Variants in PCGF3 observed in about 807,000 individuals in gnomAD.
PCGF3 encodes the protein polycomb group ring finger 3.
Under a neutral mutation model 33.1 loss-of-function variants are expected in PCGF3, and 7 were observed. The ratio of observed to expected loss-of-function variants is 0.21; its 90% CI spans 0.12 to 0.40. The LOEUF (loss-of-function observed/expected upper bound fraction) is 0.40. PCGF3 is among the 10% of genes least tolerant of loss of function. The pLI is 1.00. For synonymous variants in PCGF3, 153 were observed against 121.3 expected, an observed-to-expected ratio of 1.26 and a Z score of -1.72; for missense variants, 211 against 313.3, an observed-to-expected ratio of 0.67 and a Z score of 2.46.
At chr4:770,031 A>G (rs1386766353) in exon 11 of PCGF3, 1 of 152,618 alleles carries the variant, frequency 6.6e-6, no homozygotes, top group Non-Finnish European at 1.5e-5. Context: ...TGAAGCTTGT[A>G]TTCAGTGTTT....
At position 733,792 on chromosome 4, in the gene PCGF3, ACGTGCCCTGCCCGCGCCACCCAGGGAGGG is replaced by A; in HGVS notation, c.109+6_109+34del. 6.2e-7 allele frequency: 1 copy of A among 1,613,698 alleles called. No homozygotes were observed. Among genetic ancestry groups the A allele is most frequent in the Non-Finnish European group, 8.5e-7 (1 of 1,180,004 alleles). ...GGTGACCGAGTGTCTGCACACCTGT[ACGTGCCCTGCCCGCGCCACCCAGGGAGGG>A]CGCGCCCTTCCCAGCTCTGTGCTCT... On this transcript the variant is annotated splice_donor_5th_base_variant and intron_variant, in intron 4 of 10. Coordinates refer to ENST00000362003, the Ensembl canonical transcript of PCGF3.
chr4:761,962 TGTC>T (rs1397720628), intron 9 of PCGF3: 1 of 985,316 alleles, frequency 1.0e-6, no homozygotes, highest in Non-Finnish European at 1.2e-6. Flanking sequence ...ATGGGTCTGG[TGTC>T]GTTTTTGAAA....
intron 7 of PCGF3, among the ~76,000 whole-genome samples, chr4:744,334 G>C (rs1007737980): frequency 6.6e-6 from 1 of 152,370 alleles, no homozygotes; most frequent in East Asian, 1.9e-4. Flanking sequence ...GAGCGTGTCT[G>C]TGTCCCACGC....
intron 1 of PCGF3, among the ~76,000 whole-genome samples, chr4:710,497 G>A (rs1238071938): frequency 2.0e-5 from 3 of 152,222 alleles, no homozygotes; most frequent in Non-Finnish European, 4.4e-5. Context: ...CCAGCACAGC[G>A]GTGCTGTGAG....
chr4:706,124 G>A (rs533569733), intron 1 of PCGF3, among the ~76,000 whole-genome samples, 154 bp downstream of exon 1: 2 of 152,244 alleles, frequency 1.3e-5, no homozygotes, highest in African/African-American at 4.8e-5. Context: ...AGGCCCGGGA[G>A]GGCCGGCACC....
chr4:741,118 C>G lies in PCGF3; in HGVS notation c.263-2356C>G, dbSNP rs544605475. Reference sequence around the variant, plus strand: ...GAGCAAACAGCCGACGATGGAGTCACTGACTCAACACCAGCAATATCCCCA... The same window carrying G: ...GAGCAAACAGCCGACGATGGAGTCAGTGACTCAACACCAGCAATATCCCCA... On this transcript the variant is annotated intron_variant, in intron 6 of 10. Transcript: ENST00000362003. 3.3e-5 allele frequency among the ~76,000 whole-genome samples: 5 copies of G among 152,370 alleles called. No homozygotes were observed. The East Asian group carries it at 7.7e-4, about 23-fold the overall frequency.
At chr4:762,661 C>T (rs911511829) in intron 9 of PCGF3, 1 of 152,268 alleles carries the variant, frequency 6.6e-6, no homozygotes, top group East Asian at 1.9e-4. Flanking sequence ...GTGCCGAAAT[C>T]AATTTGTTCT....
chr4:756,499 C>G (rs531791132), intron 8 of PCGF3, among the ~76,000 whole-genome samples: 2 of 152,314 alleles, frequency 1.3e-5, no homozygotes, highest in East Asian at 3.9e-4. Flanking sequence ...AGGTGTAAGC[C>G]ACTGCACCCG....
At chr4:732,683 G>A (rs928651410) in intron 3 of PCGF3, among the ~76,000 whole-genome samples, 2 of 152,170 alleles carry the variant, frequency 1.3e-5, no homozygotes, top group Non-Finnish European at 2.9e-5. Context: ...CCTCTTGGTG[G>A]CGGTGATGAC....
chr4:731,413 C>G (rs571648338), intron 3 of PCGF3: 3 of 373,388 alleles, frequency 8.0e-6, no homozygotes, highest in African/African-American at 6.2e-5. Flanking sequence ...AGCCTGGGGC[C>G]TCAGCCCAGT....
chr4:754,738 G>C (rs1202287853), intron 8 of PCGF3, among the ~76,000 whole-genome samples: 2 of 150,980 alleles, frequency 1.3e-5, no homozygotes, highest in Non-Finnish European at 1.5e-5. Flanking sequence ...GTGGGATGCA[G>C]CCTGGCGTGG....
At chr4:728,306 T>C (rs1328942301) in intron 1 of PCGF3, among the ~76,000 whole-genome samples, 1 of 151,940 alleles carries the variant, frequency 6.6e-6, no homozygotes, top group Non-Finnish European at 1.5e-5. Context: ...ATTGACATAG[T>C]GTTTACAGCA....
At chr4:736,315 T>C (rs1350654835) in intron 5 of PCGF3, among the ~76,000 whole-genome samples, 2 of 152,192 alleles carry the variant, frequency 1.3e-5, no homozygotes, top group Non-Finnish European at 2.9e-5. Context: ...CCCCAAATGC[T>C]AGGATTACAG....
rs1745366302 is a variant in PCGF3 at position 766,243 on chromosome 4, C to A, written c.*164C>A. 3 of 607,254 alleles carry A rather than the reference C, an allele frequency of 4.9e-6. No homozygotes were observed. The Admixed American group carries it at 8.3e-5, about 17-fold the overall frequency. The allele number at this position is 607,254 out of a possible 1,614,324, so 37.6% of individuals were successfully genotyped here. ...GAATTCACACTCAACAAGACACTAC[C>A]AGCACCACGTTTACAGAGGATGAAA... On this transcript the variant is annotated 3_prime_UTR_variant, in exon 11 of 11. Transcript: ENST00000362003.
chr4:752,394 T>C (rs534350994), intron 8 of PCGF3, among the ~76,000 whole-genome samples: 5 of 152,362 alleles, frequency 3.3e-5, no homozygotes, highest in African/African-American at 9.6e-5. Context: ...GCCATCGGTC[T>C]GTTTAATTCC....
At chr4:727,943 C>T (rs1743397355) in intron 1 of PCGF3, among the ~76,000 whole-genome samples, 2 of 152,208 alleles carry the variant, frequency 1.3e-5, no homozygotes, top group African/African-American at 2.4e-5. Context: ...ACCTGCATCC[C>T]TCCGGGGCCT....
intron 8 of PCGF3, among the ~76,000 whole-genome samples, chr4:755,806 C>T (rs1303032072): frequency 3.3e-5 from 5 of 150,566 alleles, no homozygotes; most frequent in African/African-American, 1.2e-4. Flanking sequence ...GCCAAAACAA[C>T]AAGGAACTTA....
At chr4:754,257 C>G (rs1386880065) in intron 8 of PCGF3, among the ~76,000 whole-genome samples, 1 of 152,172 alleles carries the variant, frequency 6.6e-6, no homozygotes, top group Non-Finnish European at 1.5e-5. Context: ...GTGTCTGGAG[C>G]TGGAAATGTG....
At chr4:751,213 A>G (rs191998963) in intron 8 of PCGF3, among the ~76,000 whole-genome samples, 12 of 152,210 alleles carry the variant, frequency 7.9e-5, no homozygotes, top group African/African-American at 2.6e-4. Context: ...TAACTTCGTG[A>G]TGAGTTCCTG....
Sources: gnomAD v4.1 joint callset for allele counts (sites outside exome capture counted in the v4.1 genomes callset) on GRCh38, gnomAD v4.1.1 for gene constraint, MANE v1.5 for transcripts, NCBI Gene and HGNC (gene_info 2026-07-23, HGNC 2026-07-21) for gene names.